ZNF735: variants seen among roughly 807,000 people sequenced by gnomAD.
ZNF735 encodes the protein zinc finger protein 735, also known as putative zinc finger protein 735.
Under a neutral mutation model 13.4 loss-of-function variants are expected in ZNF735, and 11 were observed. That is an observed-to-expected ratio of 0.82 (90% CI 0.52 to 1.36). The LOEUF (loss-of-function observed/expected upper bound fraction) is 1.36. ZNF735 is among the 40% of genes most tolerant of loss of function. The probability of loss-of-function intolerance (pLI) is 0.00; values close to 1 mark genes in which losing one functional copy is unlikely to be tolerated. For synonymous variants in ZNF735, 171 were observed against 162.6 expected, an observed-to-expected ratio of 1.05 and a Z score of -0.39; for missense variants, 500 against 484.6, an observed-to-expected ratio of 1.03 and a Z score of -0.30.
At chr7:64,212,610 T>C (rs1437756152) in intron 1 of ZNF735, among the ~76,000 whole-genome samples, 2 of 151,944 alleles carry the variant, frequency 1.3e-5, no homozygotes, top group Non-Finnish European at 2.9e-5. Context: ...CTGGCCAACA[T>C]GGAGAAACCC....
At chr7:64,219,860 C>T in exon 4 of ZNF735, 5 of 1,612,850 alleles carry the variant, frequency 3.1e-6, no homozygotes, top group Non-Finnish European at 4.2e-6. Context: ...AAACCCTACG[C>T]ATGTGAAGAA....
chr7:64,216,951 C>T (rs1246092283), intron 3 of ZNF735, among the ~76,000 whole-genome samples: 1 of 152,128 alleles, frequency 6.6e-6, no homozygotes, highest in Non-Finnish European at 1.5e-5. Flanking sequence ...ACAGAATGTA[C>T]CAGATGCAAA....
At chr7:64,212,983 T>G in intron 1 of ZNF735, 109 bp from the exon 2 acceptor site, 1 of 1,194,056 alleles carries the variant, frequency 8.4e-7, no homozygotes, top group Non-Finnish European at 1.2e-6. Context: ...CTCTTGTAAG[T>G]GAGAAACACT....
chr7:64,208,838 G>A (rs1317610004), intron 1 of ZNF735, among the ~76,000 whole-genome samples: 2 of 152,114 alleles, frequency 1.3e-5, no homozygotes, highest in Non-Finnish European at 1.5e-5. Context: ...TTCTGCTCCT[G>A]CACTAGTTTT....
intron 1 of ZNF735, among the ~76,000 whole-genome samples, chr7:64,209,228 G>A (rs115055198): frequency 0.014 from 2,029 of 139,942 alleles, 32 homozygotes; most frequent in Non-Finnish European, 0.022. Flanking sequence ...CATCTGTTCC[G>A]TTTTTTTTTT....
chr7:64,219,239 T>G (rs1388599854), intron 3 of ZNF735, 75 bp from the exon 4 acceptor site: 9 of 1,526,394 alleles, frequency 5.9e-6, no homozygotes, highest in African/African-American at 1.4e-5. Flanking sequence ...TTGAACAATT[T>G]TATATATTTG....
At chr7:64,214,037 T>G (rs557957939) in exon 3 of ZNF735, 1 of 1,599,408 alleles carries the variant, frequency 6.3e-7, no homozygotes, top group South Asian at 1.1e-5. Context: ...AAGCCAGACT[T>G]GATCGCCTGT....
chr7:64,217,476 T>A (rs931589645), intron 3 of ZNF735, among the ~76,000 whole-genome samples: 8 of 152,244 alleles, frequency 5.3e-5, no homozygotes, highest in South Asian at 2.1e-4. Context: ...CTGTTTTTTT[T>A]AATTGATTTT....
At chr7:64,217,409 TG>T (rs1265706278) in intron 3 of ZNF735, among the ~76,000 whole-genome samples, 1 of 152,184 alleles carries the variant, frequency 6.6e-6, no homozygotes, top group Non-Finnish European at 1.5e-5. Context: ...TTTCTCAGGT[TG>T]TTTTCTATAG....
chr7:64,219,573 A>T (rs1787462215), exon 4 of ZNF735: 1 of 1,581,004 alleles, frequency 6.3e-7, no homozygotes, highest in African/African-American at 1.3e-5. Context: ...ATTCCAATAG[A>T]CACAATGCAA....
chr7:64,217,214 C>T (rs554488695), intron 3 of ZNF735, among the ~76,000 whole-genome samples: 26 of 152,302 alleles, frequency 1.7e-4, no homozygotes, highest in African/African-American at 5.8e-4. Context: ...AACCTGGCTC[C>T]TCCACCTCAC....
At chr7:64,218,476 G>A in intron 3 of ZNF735, among the ~76,000 whole-genome samples, 1 of 150,724 alleles carries the variant, frequency 6.6e-6, no homozygotes, top group East Asian at 2.0e-4. Context: ...AATTATTTCA[G>A]TTTTCTTTTC....
intron 3 of ZNF735, among the ~76,000 whole-genome samples, chr7:64,217,883 T>C (rs1347588849): frequency 1.3e-5 from 2 of 152,148 alleles, no homozygotes; most frequent in African/African-American, 4.8e-5. Context: ...CTTACTGATC[T>C]TGCTAATTGT....
At chr7:64,207,361 C>T in intron 1 of ZNF735, 120 bp downstream of exon 1, 3 of 1,589,516 alleles carry the variant, frequency 1.9e-6, no homozygotes, top group East Asian at 2.3e-5. Flanking sequence ...GACCCAAATC[C>T]TCCTTGGCCC....
rs1787299564 is a variant in ZNF735 at position 64,207,273 on chromosome 7, G to C, written c.39+32G>C. 5 of 1,614,042 alleles carry C rather than the reference G, an allele frequency of 3.1e-6. No individual in the cohort carries two copies. The Admixed American group carries it at 8.3e-5, about 27-fold the overall frequency. On this transcript the variant is annotated intron_variant, in intron 1 of 3. Coordinates refer to ENST00000429565, the Ensembl canonical transcript of ZNF735. ...GCTGGGTCTGTCATCGTGAGAGAGG[G>C]GTGGGAGGTGGTTGGAACCGGCTGA...
chr7:64,216,142 A>G (rs1365289422), intron 3 of ZNF735, among the ~76,000 whole-genome samples: 1 of 151,984 alleles, frequency 6.6e-6, no homozygotes, highest in East Asian at 1.9e-4. Flanking sequence ...AAAAAATACA[A>G]AAAATTAACC....
intron 1 of ZNF735, among the ~76,000 whole-genome samples, chr7:64,211,791 A>AG (rs1307737829): frequency 6.6e-6 from 1 of 151,588 alleles, no homozygotes; most frequent in Non-Finnish European, 1.5e-5. Flanking sequence ...GCTTGACCTC[A>AG]GGAGGCGGAG....
chr7:64,212,642 A>T (rs1478955632), intron 1 of ZNF735, among the ~76,000 whole-genome samples: 8 of 151,886 alleles, frequency 5.3e-5, no homozygotes, highest in African/African-American at 1.5e-4. Flanking sequence ...AAAATACAAA[A>T]ATTAGCCAGG....
At chr7:64,210,354 CAA>C (rs1787340973) in intron 1 of ZNF735, among the ~76,000 whole-genome samples, 1 of 152,150 alleles carries the variant, frequency 6.6e-6, no homozygotes, top group South Asian at 2.1e-4. Flanking sequence ...TGTTTTGTGA[CAA>C]ATTTGGTGGG....
Sources: gnomAD v4.1 joint callset for allele counts (sites outside exome capture counted in the v4.1 genomes callset) on GRCh38, gnomAD v4.1.1 for gene constraint, MANE v1.5 for transcripts, NCBI Gene and HGNC (gene_info 2026-07-23, HGNC 2026-07-21) for gene names.